The following DENND1B variants were observed in gnomAD, a reference collection of about 807,000 sequenced individuals.
DENND1B encodes DENN domain containing 1B, also known as DENN domain-containing protein 1B.
A neutral mutation model predicts 90.1 loss-of-function variants in DENND1B; 59 were observed. The ratio of observed to expected loss-of-function variants is 0.65; its 90% CI spans 0.53 to 0.81. The LOEUF (loss-of-function observed/expected upper bound fraction) is 0.81, where lower values mean the gene tolerates loss of function less well. Ranked by LOEUF, DENND1B falls within the 40% of genes least tolerant of loss-of-function variation. DENND1B has a pLI of 0.00. For synonymous variants in DENND1B, 337 were observed against 324.6 expected (o/e 1.04, Z -0.41); for missense variants, 862 against 912.6 (o/e 0.94, Z 0.71).
chr1:197,639,559 A>C (rs1017887379), intron 10 of DENND1B, among the ~76,000 whole-genome samples: 1 of 152,216 alleles, frequency 6.6e-6, no homozygotes, highest in Admixed American at 6.5e-5. Context: ...CTACAATAGA[A>C]TTATGAATGT....
At chr1:197,567,987 G>A (rs1265882369) in intron 15 of DENND1B, among the ~76,000 whole-genome samples, 1 of 151,126 alleles carries the variant, frequency 6.6e-6, no homozygotes, top group Non-Finnish European at 1.5e-5. Flanking sequence ...TCCAAACTGG[G>A]GAGATGAGGG....
At chr1:197,668,964 C>T (rs74772729) in intron 5 of DENND1B, among the ~76,000 whole-genome samples, 2,666 of 151,946 alleles carry the variant, frequency 0.018, 75 homozygotes, top group African/African-American at 0.06. Context: ...TTTTTTTACC[C>T]TCAGCAATGC....
At chr1:197,559,356 G>A (rs543729994) in intron 15 of DENND1B, among the ~76,000 whole-genome samples, 4 of 151,982 alleles carry the variant, frequency 2.6e-5, no homozygotes, top group African/African-American at 4.8e-5. Flanking sequence ...ATTCTCTGCC[G>A]AGCTGAGGAA....
chr1:197,591,844 C>T (rs1419973352), intron 14 of DENND1B, among the ~76,000 whole-genome samples: 1 of 152,066 alleles, frequency 6.6e-6, no homozygotes, highest in African/African-American at 2.4e-5. Context: ...GGCGCGGTAG[C>T]TCACGCCTGT....
Position 197,769,481 on chromosome 1 carries a change from GAC to G in DENND1B, c.82+3385_82+3386del, listed in dbSNP as rs140287787. Among the ~76,000 whole-genome samples the G allele has an allele frequency of 6.8e-4, 103 of 152,268 alleles. No individual in the cohort carries two copies. The East Asian group carries it at 0.02, about 29-fold the overall frequency. On this transcript the variant is annotated intron_variant, in intron 2 of 22. Transcript: ENST00000620048. ...AAAAAGCAGAGTTCCAACTTCCACT[GAC>G]AGTCTTATAACCGCAAGAAATCTAA... is the stretch of plus-strand genomic sequence containing the variant.
At chr1:197,527,377 G>A (rs1258030734) in intron 20 of DENND1B, among the ~76,000 whole-genome samples, 1 of 150,834 alleles carries the variant, frequency 6.6e-6, no homozygotes, top group Non-Finnish European at 1.5e-5. Flanking sequence ...CTGCCTCCCG[G>A]GTTCAAGTGA....
At chr1:197,733,968 G>A in intron 2 of DENND1B, 4 of 490,588 alleles carry the variant, frequency 8.2e-6, no homozygotes, top group Non-Finnish European at 1.1e-5. Flanking sequence ...CTAATCTCTT[G>A]CATTTAAAAA....
At chr1:197,517,923 T>TTTTG (rs10658464) in intron 20 of DENND1B, among the ~76,000 whole-genome samples, 143,126 of 150,924 alleles carry the variant, frequency 0.95, 68,217 homozygotes, top group South Asian at 1. Flanking sequence ...CCTCCCCATG[T>TTTTG]TTTGTTTGTT....
At position 197,771,596 on chromosome 1, in the gene DENND1B, T is replaced by C. The variant is rs115848476; in HGVS notation, c.82+1272A>G. Among the ~76,000 whole-genome samples the C allele has an allele frequency of 4.3e-3, 652 of 152,296 alleles. 5 individuals carry two copies. The highest frequency in any genetic ancestry group is 0.015 in the African/African-American group (625 of 41,562). ...ACAATATGTGACTTCATACTAAAAT[T>C]AGCCATGCCCATTTCACCACAACTG... On this transcript the variant is annotated intron_variant, in intron 2 of 22. Coordinates refer to ENST00000620048, the MANE Select transcript of DENND1B (RefSeq NM_001195215.2).
At position 197,707,679 on chromosome 1, in the gene DENND1B, A is replaced by G. The variant is rs1292052095; in HGVS notation, c.126+7352T>C. On this transcript the variant is annotated intron_variant, in intron 3 of 22. Transcript: ENST00000620048. ...TTATATACATATATAATATAATAAT[A>G]TAATATAATATAATATAATTATTAT... Among the ~76,000 whole-genome samples, 8 of 139,256 alleles carry G rather than the reference A, an allele frequency of 5.7e-5. No individual in the cohort carries two copies. In the East Asian group the frequency reaches 1.6e-3, roughly 27 times the overall value. The allele number at this position is 139,256 out of a possible 152,430, so 91.4% of individuals were successfully genotyped here. A position where few individuals can be genotyped will look rare whatever the true frequency, so the allele number is the denominator to read the frequency against.
At chr1:197,545,785 T>G in intron 18 of DENND1B, 137 bp downstream of exon 18, 1 of 667,994 alleles carries the variant, frequency 1.5e-6, no homozygotes, top group Non-Finnish European at 2.5e-6. Flanking sequence ...GAATTTGCTT[T>G]GGTCAATATT....
chr1:197,675,587 AAG>A (rs953495334), intron 3 of DENND1B, among the ~76,000 whole-genome samples: 1 of 152,178 alleles, frequency 6.6e-6, no homozygotes, highest in African/African-American at 2.4e-5. Flanking sequence ...ATGTAGTTAA[AAG>A]AGTCACTAAA....
chr1:197,687,245 T>TAAC (rs1200381110), intron 3 of DENND1B, among the ~76,000 whole-genome samples: 1 of 152,146 alleles, frequency 6.6e-6, no homozygotes, highest in Non-Finnish European at 1.5e-5. Flanking sequence ...TAAAATAAGA[T>TAAC]AACAACTAAT....
At chr1:197,628,190 A>G (rs977825013) in intron 10 of DENND1B, among the ~76,000 whole-genome samples, 58 of 152,004 alleles carry the variant, frequency 3.8e-4, no homozygotes, top group East Asian at 1.5e-3. Flanking sequence ...AAGTTCATAT[A>G]GAACCAAAAA....
chr1:197,694,346 T>C lies in DENND1B; in HGVS notation c.127-20177A>G, dbSNP rs543300798. Among the ~76,000 whole-genome samples the C allele has an allele frequency of 4.7e-4, 72 of 151,636 alleles. No individual in the cohort carries two copies. The Middle Eastern group carries it at 0.014, about 29-fold the overall frequency. On this transcript the variant is annotated intron_variant, in intron 3 of 22. Transcript: ENST00000620048. Reference sequence around the variant, plus strand: ...ATGCCAATTTTGCAAGACTTTATTTTCTACCGAGTAACATTTTAAATGCTA... The same window carrying C: ...ATGCCAATTTTGCAAGACTTTATTTCCTACCGAGTAACATTTTAAATGCTA...
chr1:197,731,656 G>T (rs1262461304), intron 2 of DENND1B, among the ~76,000 whole-genome samples: 1 of 152,142 alleles, frequency 6.6e-6, no homozygotes, highest in Non-Finnish European at 1.5e-5. Flanking sequence ...AGTGGAAGAA[G>T]GAGAATCATC....
At chr1:197,571,153 T>C (rs772416936) in intron 15 of DENND1B, among the ~76,000 whole-genome samples, 1 of 152,124 alleles carries the variant, frequency 6.6e-6, no homozygotes, top group Non-Finnish European at 1.5e-5. Context: ...TGAAAAAGCC[T>C]CATAATTGGA....
chr1:197,559,649 G>C (rs146541907), intron 15 of DENND1B, among the ~76,000 whole-genome samples: 19 of 151,964 alleles, frequency 1.3e-4, no homozygotes, highest in African/African-American at 4.6e-4. Context: ...GTAAAAAATT[G>C]CTTTCAAAAA....
intron 2 of DENND1B, among the ~76,000 whole-genome samples, chr1:197,770,727 AATATATATAAAT>A (rs1656405579): frequency 7.1e-6 from 1 of 140,936 alleles, no homozygotes; most frequent in African/African-American, 2.6e-5. Context: ...TATATCTATA[AATATATATAAAT>A]ATATATATCT....
Sources: allele counts gnomAD v4.1 joint callset (sites outside exome capture counted in the v4.1 genomes callset), GRCh38; gene constraint gnomAD v4.1.1; transcripts MANE v1.5; gene names NCBI Gene and HGNC (gene_info 2026-07-23, HGNC 2026-07-21).